The following PPP1R9A variants were observed in gnomAD, a reference collection of about 807,000 sequenced individuals.
PPP1R9A encodes protein phosphatase 1 regulatory subunit 9A, also known as neurabin-1.
In PPP1R9A, 59 loss-of-function variants were observed where a neutral mutation model predicts 141.9. The observed-to-expected ratio is 0.42, with a 90% CI of 0.34 to 0.52. PPP1R9A has a LOEUF of 0.52. PPP1R9A is among the 20% of genes least tolerant of loss of function. PPP1R9A has a pLI of 0.10. For missense variants in PPP1R9A, 1,444 were observed against 1,611.9 expected, an observed-to-expected ratio of 0.90 and a Z score of 1.78; for synonymous variants, 500 against 569.7, an observed-to-expected ratio of 0.88 and a Z score of 1.74.
chr7:95,213,125 G>A (rs979367632), intron 7 of PPP1R9A, among the ~76,000 whole-genome samples: 2 of 151,812 alleles, frequency 1.3e-5, no homozygotes, highest in Non-Finnish European at 2.9e-5. Context: ...TCCCTTCTCT[G>A]CTTGTTTTTT....
chr7:95,164,970 C>T (rs1320990525), intron 5 of PPP1R9A, among the ~76,000 whole-genome samples: 2 of 152,030 alleles, frequency 1.3e-5, no homozygotes, highest in Non-Finnish European at 2.9e-5. Flanking sequence ...GCCCCACTTT[C>T]CTGCTTTGCC....
intron 2 of PPP1R9A, among the ~76,000 whole-genome samples, chr7:94,932,574 C>A (rs186181063): frequency 6.6e-6 from 1 of 152,020 alleles, no homozygotes; most frequent in African/African-American, 2.4e-5. Context: ...AGTATGTATT[C>A]ATGGCATTTG....
chr7:95,151,211 C>G (rs1356968251), intron 4 of PPP1R9A, among the ~76,000 whole-genome samples: 2 of 152,148 alleles, frequency 1.3e-5, no homozygotes, highest in African/African-American at 4.8e-5. Flanking sequence ...ATAACTACTC[C>G]AGTTTGGAAG....
intron 2 of PPP1R9A, among the ~76,000 whole-genome samples, chr7:94,991,644 A>T (rs904306296): frequency 6.6e-6 from 1 of 150,764 alleles, no homozygotes. Flanking sequence ...ACCACTCTTT[A>T]TATTTTTTTA....
intron 2 of PPP1R9A, among the ~76,000 whole-genome samples, chr7:94,943,584 A>G (rs1365242938): frequency 6.6e-6 from 1 of 150,626 alleles, no homozygotes; most frequent in African/African-American, 2.5e-5. Flanking sequence ...ATAGCTGTCT[A>G]AAAGGAGAGG....
At chr7:95,076,454 A>G (rs868253898) in intron 2 of PPP1R9A, among the ~76,000 whole-genome samples, 8 of 152,146 alleles carry the variant, frequency 5.3e-5, no homozygotes, top group African/African-American at 1.7e-4. Context: ...CTCATAAACC[A>G]AAGTTTTATA....
intron 4 of PPP1R9A, among the ~76,000 whole-genome samples, chr7:95,160,746 AACTTAC>A (rs1316191776): frequency 6.6e-6 from 1 of 152,110 alleles, no homozygotes; most frequent in Non-Finnish European, 1.5e-5. Context: ...CCCAATGTTT[AACTTAC>A]ACTTATAAGT....
intron 2 of PPP1R9A, among the ~76,000 whole-genome samples, chr7:95,038,651 A>G (rs906128854): frequency 6.6e-6 from 1 of 152,184 alleles, no homozygotes; most frequent in Non-Finnish European, 1.5e-5. Context: ...CACTGAAGGA[A>G]TTGGAAAAAA....
rs546733649 is a variant in PPP1R9A at position 95,081,601 on chromosome 7, G to A, written c.1396-29658G>A. On this transcript the variant is annotated intron_variant, in intron 2 of 19. Transcript: ENST00000433360. The stretch of plus-strand genomic sequence containing the variant: ...AAAATTAAACAGAGAGAATAAAAAT[G>A]ACTGGGGAGGAACTCCCTGAAAGGT... Among the ~76,000 whole-genome samples, 12 of 152,130 alleles carry A rather than the reference G, an allele frequency of 7.9e-5. No individual in the cohort carries two copies. The South Asian group carries it at 1.5e-3, about 18-fold the overall frequency.
chr7:95,290,374 C>G lies in PPP1R9A; in HGVS notation c.*71C>G. ...CACCTCTTCCTGCCCTGCTCTCCTC[C>G]AGAGGATGAAAAAGAAACTAAATGA... On this transcript the variant is annotated 3_prime_UTR_variant, in exon 20 of 20. Transcript: ENST00000433360. 1 of 1,457,452 alleles carries G rather than the reference C, an allele frequency of 6.9e-7. No individual in the cohort carries two copies. Among genetic ancestry groups the G allele is most frequent in the Non-Finnish European group, 9.2e-7 (1 of 1,085,246 alleles). 90.3% of individuals were successfully genotyped at this position (1,457,452 alleles called of 1,614,324 possible).
chr7:95,189,689 G>A (rs1232110736), intron 5 of PPP1R9A, among the ~76,000 whole-genome samples: 1 of 151,870 alleles, frequency 6.6e-6, no homozygotes. Context: ...GCCTGCCTCG[G>A]CCTCCCAAAG....
intron 1 of PPP1R9A, chr7:94,908,226 C>T (rs1443344577): frequency 3.6e-5 from 2 of 54,804 alleles, no homozygotes; most frequent in African/African-American, 1.5e-4. Context: ...GAGTTGCAGG[C>T]TGGGGGTGGG....
intron 2 of PPP1R9A, among the ~76,000 whole-genome samples, chr7:94,944,400 A>T (rs757399915): frequency 6.6e-6 from 1 of 151,892 alleles, no homozygotes; most frequent in Non-Finnish European, 1.5e-5. Flanking sequence ...TTACACACTC[A>T]CTAAACATTT....
At chr7:95,068,151 A>C (rs1019545097) in intron 2 of PPP1R9A, among the ~76,000 whole-genome samples, 2 of 152,118 alleles carry the variant, frequency 1.3e-5, no homozygotes, top group African/African-American at 4.8e-5. Flanking sequence ...AGAAGTAACG[A>C]CTGTTAGCAA....
At chr7:95,081,470 A>G (rs1397467241) in intron 2 of PPP1R9A, among the ~76,000 whole-genome samples, 22 of 152,230 alleles carry the variant, frequency 1.4e-4, no homozygotes. Flanking sequence ...GATAAGCACT[A>G]TAATGAAAAA....
At chr7:95,158,113 A>T (rs900610401) in intron 4 of PPP1R9A, among the ~76,000 whole-genome samples, 20 of 152,236 alleles carry the variant, frequency 1.3e-4, no homozygotes, top group Non-Finnish European at 2.9e-4. Context: ...GCATTGATGC[A>T]AGGATAAACA....
chr7:95,091,878 T>C (rs1344445104), intron 2 of PPP1R9A, among the ~76,000 whole-genome samples: 2 of 151,036 alleles, frequency 1.3e-5, no homozygotes, highest in Non-Finnish European at 2.9e-5. Flanking sequence ...AAAAGCATGG[T>C]TTTTTAATTC....
intron 2 of PPP1R9A, among the ~76,000 whole-genome samples, chr7:94,934,676 A>C (rs1563012873): frequency 6.6e-6 from 1 of 152,088 alleles, no homozygotes; most frequent in African/African-American, 2.4e-5. Context: ...ATGTTTTAAA[A>C]ATATATACAT....
At chr7:95,214,551 CCA>C (rs1265916743) in intron 7 of PPP1R9A, among the ~76,000 whole-genome samples, 1 of 151,976 alleles carries the variant, frequency 6.6e-6, no homozygotes, top group African/African-American at 2.4e-5. Context: ...AAGTGGCATT[CCA>C]TTACTTTTGT....
Sources: allele counts gnomAD v4.1 joint callset (sites outside exome capture counted in the v4.1 genomes callset), GRCh38; gene constraint gnomAD v4.1.1; transcripts MANE v1.5; gene names NCBI Gene and HGNC (gene_info 2026-07-23, HGNC 2026-07-21).